The following CRB1 variants were observed in gnomAD, a reference collection of about 807,000 sequenced individuals.
The protein encoded by CRB1 is crumbs cell polarity complex component 1.
A neutral mutation model predicts 120.0 loss-of-function variants in CRB1; 83 were observed. The ratio of observed to expected loss-of-function variants is 0.69; its 90% CI spans 0.58 to 0.83. The LOEUF (loss-of-function observed/expected upper bound fraction) is 0.83. Among genes scored for constraint, CRB1 ranks in the 40% least tolerant of loss-of-function variants. The pLI is 0.00. For missense variants in CRB1, 1,699 were observed against 1,687.6 expected, an observed-to-expected ratio of 1.01 and a Z score of -0.12; for synonymous variants, 625 against 612.5, an observed-to-expected ratio of 1.02 and a Z score of -0.30.
intron 1 of CRB1, among the ~76,000 whole-genome samples, chr1:197,317,825 C>G (rs1162962763): frequency 2.0e-5 from 3 of 152,152 alleles, no homozygotes; most frequent in Non-Finnish European, 2.9e-5. Context: ...TCCTATCTCT[C>G]ACCATATACA....
At chr1:197,457,251 G>A in intron 11 of CRB1, among the ~76,000 whole-genome samples, 1 of 151,992 alleles carries the variant, frequency 6.6e-6, no homozygotes, top group East Asian at 1.9e-4. Context: ...TATTTGTCGT[G>A]TGCTTACTCT....
chr1:197,324,549 T>G (rs1658388051), intron 1 of CRB1, among the ~76,000 whole-genome samples: 1 of 152,184 alleles, frequency 6.6e-6, no homozygotes, highest in African/African-American at 2.4e-5. Flanking sequence ...CCAAGCCCTG[T>G]TAGGCATTTT....
the CRB1 span, among the ~76,000 whole-genome samples, chr1:197,243,633 G>GA: frequency 6.6e-6 from 1 of 152,022 alleles, no homozygotes; most frequent in African/African-American, 2.4e-5. Context: ...ATGGTGGTGG[G>GA]AAAAATGTAT....
intron 1 of CRB1, among the ~76,000 whole-genome samples, chr1:197,278,819 T>C (rs1277730003): frequency 3.3e-5 from 5 of 151,932 alleles, no homozygotes; most frequent in African/African-American, 1.2e-4. Flanking sequence ...TCAGCAACTA[T>C]ATATTAAGCA....
chr1:197,416,495 T>C (rs918411363), intron 5 of CRB1, among the ~76,000 whole-genome samples: 3 of 152,146 alleles, frequency 2.0e-5, no homozygotes, highest in African/African-American at 4.8e-5. Context: ...TTCTAGTTTG[T>C]AGTCTGAGAG....
At position 197,477,843 on chromosome 1, in the gene CRB1, C is replaced by G; in HGVS notation, c.4185C>G (p.Asn1395Lys). The G allele has an allele frequency of 6.2e-7, 1 of 1,613,912 alleles. No homozygotes were observed. Among genetic ancestry groups the G allele is most frequent in the African/African-American group, 1.3e-5 (1 of 75,012 alleles). Residue 1395 changes from asparagine to lysine, a missense_variant, in exon 12 of 12, where the codon AAC becomes AAG. Coordinates refer to ENST00000367400, the MANE Select transcript of CRB1 (RefSeq NM_201253.3). ...EKEGSRVEMW[N>K]LMPPPAMERL... ...AGGGCTCCCGAGTGGAAATGTGGAA[C>G]TTGATGCCACCCCCTGCAATGGAGA...
intron 5 of CRB1, among the ~76,000 whole-genome samples, chr1:197,417,542 C>T (rs1664069217): frequency 6.6e-6 from 1 of 152,100 alleles, no homozygotes; most frequent in African/African-American, 2.4e-5. Flanking sequence ...AAACCAATAG[C>T]AAAGGGGTTG....
intron 5 of CRB1, among the ~76,000 whole-genome samples, chr1:197,390,774 T>C (rs1050091153): frequency 6.6e-6 from 1 of 152,060 alleles, no homozygotes; most frequent in African/African-American, 2.4e-5. Context: ...CCTCATCCCA[T>C]GAAAAAGATA....
Position 197,321,508 on chromosome 1 carries a change from T to C in CRB1, c.71-6914T>C, listed in dbSNP as rs536427434. On this transcript the variant is annotated intron_variant, in intron 1 of 11. Transcript: ENST00000367400. ...AGCCATAGAGTGAGTGAAACAAATT[T>C]CCCTGGGATAAAAACCAATGAATCA... is the stretch of plus-strand genomic sequence containing the variant. Among the ~76,000 whole-genome samples, 35 of 152,256 alleles carry C rather than the reference T, an allele frequency of 2.3e-4. No homozygotes were observed. In the South Asian group the frequency reaches 7.1e-3, roughly 31 times the overall value.
rs753806518 is a variant in CRB1 at position 197,328,743 on chromosome 1, A to G, written c.392A>G (p.Tyr131Cys). ...GGTATTTGCCATCAGGACCCTATTT[A>G]TCCTGTCTGCATCTGCCCTGCTGGA... ...HGGICHQDPIYPVCICPAGYA... is the reference protein window; with the variant it reads ...HGGICHQDPICPVCICPAGYA... The change falls in exon 2 of 12, where the codon TAT (tyrosine) becomes TGT (cysteine). Residue 131 changes from tyrosine to cysteine, a missense_variant. Physicochemically the swap from Tyr to Cys is radical, Grantham distance 194 (BLOSUM62 -2). Transcript: ENST00000367400. 6.2e-7 allele frequency: 1 copy of G among 1,611,910 alleles called. No homozygotes were observed. Among genetic ancestry groups the G allele is most frequent in the Admixed American group, 1.7e-5 (1 of 59,944 alleles).
chr1:197,334,114 G>T (rs778898416), intron 2 of CRB1, among the ~76,000 whole-genome samples: 2 of 152,140 alleles, frequency 1.3e-5, no homozygotes, highest in African/African-American at 2.4e-5. Flanking sequence ...TCTGAGGTGG[G>T]GGTCCAAGAA....
At chr1:197,292,645 G>A (rs562445846) in intron 1 of CRB1, among the ~76,000 whole-genome samples, 9 of 152,002 alleles carry the variant, frequency 5.9e-5, no homozygotes, top group East Asian at 3.9e-4. Context: ...GATGAACATC[G>A]ATGAGAAAAT....
intron 9 of CRB1, 111 bp from the exon 10 acceptor site, chr1:197,438,436 C>T: frequency 7.5e-7 from 1 of 1,328,236 alleles, no homozygotes; most frequent in Non-Finnish European, 1.1e-6. Flanking sequence ...CTCCTCCAGC[C>T]TGAGTACTTA....
Position 197,433,522 on chromosome 1 carries a change from T to C in CRB1, c.2843-1184T>C, listed in dbSNP as rs150132588. 4.9e-3 allele frequency among the ~76,000 whole-genome samples: 745 copies of C among 152,042 alleles called. 9 individuals are homozygous for C. The highest frequency in any genetic ancestry group is 0.017 in the African/African-American group (696 of 41,488). On this transcript the variant is annotated intron_variant, in intron 8 of 11. Transcript: ENST00000367400. ...GGGACAAAAGCTTGAGTGGCATATA[T>C]AAAAGAGAAAAATGAGGAATAATAG...
chr1:197,297,017 G>T (rs1656565113), intron 1 of CRB1, among the ~76,000 whole-genome samples: 1 of 152,002 alleles, frequency 6.6e-6, no homozygotes, highest in South Asian at 2.1e-4. Flanking sequence ...TCTCCTCCTT[G>T]ATTGACTTCC....
chr1:197,236,939 A>AT, the CRB1 span, among the ~76,000 whole-genome samples: 2 of 151,980 alleles, frequency 1.3e-5, no homozygotes, highest in South Asian at 4.1e-4. Flanking sequence ...TTTTATTGAT[A>AT]TTTTTTGCAT....
At chr1:197,291,705 TG>T (rs773607533) in intron 1 of CRB1, among the ~76,000 whole-genome samples, 3 of 151,880 alleles carry the variant, frequency 2.0e-5, no homozygotes, top group Non-Finnish European at 4.4e-5. Context: ...AGCACATTCC[TG>T]GACAGCCTGT....
At chr1:197,387,069 G>A (rs1404062290) in intron 5 of CRB1, among the ~76,000 whole-genome samples, 2 of 152,056 alleles carry the variant, frequency 1.3e-5, no homozygotes, top group Non-Finnish European at 2.9e-5. Flanking sequence ...TTGGTCCTTG[G>A]CAGTAGAACC....
chr1:197,357,129 G>A lies in CRB1; in HGVS notation c.1171+116G>A, dbSNP rs2253346. On this transcript the variant is annotated intron_variant, in intron 5 of 11. Coordinates refer to ENST00000367400, the MANE Select transcript of CRB1 (RefSeq NM_201253.3). The stretch of plus-strand genomic sequence containing the variant: ...TGTACTGTGTAAACTCTGCTGCTGT[G>A]GTGCAAAGGGTCCCCCTTGTGGGCA... 7,296 of 1,019,732 alleles carry A rather than the reference G, an allele frequency of 7.2e-3. 331 individuals carry two copies. The African/African-American group carries it at 0.097, about 14-fold the overall frequency. 63.2% of individuals were successfully genotyped at this position (1,019,732 alleles called of 1,614,324 possible). A position where few individuals can be genotyped will look rare whatever the true frequency, so the allele number is the denominator to read the frequency against.
Sources: allele counts gnomAD v4.1 joint callset (sites outside exome capture counted in the v4.1 genomes callset), GRCh38; gene constraint gnomAD v4.1.1; transcripts MANE v1.5; gene names NCBI Gene and HGNC (gene_info 2026-07-23, HGNC 2026-07-21).